Variants in GRID2 observed in about 807,000 individuals in gnomAD.
GRID2 encodes the protein glutamate ionotropic receptor delta type subunit 2.
A neutral mutation model predicts 114.8 loss-of-function variants in GRID2; 33 were observed. The observed-to-expected ratio is 0.29, with a 90% CI of 0.22 to 0.38. GRID2 has a LOEUF of 0.38. Among genes scored for constraint, GRID2 ranks in the 10% least tolerant of loss-of-function variants. The pLI, the probability that GRID2 is intolerant of heterozygous loss-of-function variation, is 1.00. For missense variants in GRID2, 1,184 were observed against 1,257.7 expected (o/e 0.94, Z 0.89); for synonymous variants, 505 against 449.9 (o/e 1.12, Z -1.55).
chr4:92,913,777 G>A (rs976502480), intron 2 of GRID2, among the ~76,000 whole-genome samples: 10 of 151,330 alleles, frequency 6.6e-5, no homozygotes, highest in East Asian at 2.0e-4. Flanking sequence ...ACGAAGAAAC[G>A]TTTCACTAAG....
chr4:93,200,645 G>A (rs1742005360), intron 4 of GRID2, among the ~76,000 whole-genome samples: 1 of 152,140 alleles, frequency 6.6e-6, no homozygotes, highest in African/African-American at 2.4e-5. Flanking sequence ...GTCATCTTTT[G>A]TTTTTGTTTT....
intron 14 of GRID2, among the ~76,000 whole-genome samples, chr4:93,719,473 T>C (rs1354844955): frequency 6.6e-6 from 1 of 152,148 alleles, no homozygotes; most frequent in African/African-American, 2.4e-5. Context: ...AGTGATTTTT[T>C]TTCTTGCCCA....
At chr4:93,074,543 A>G (rs1392334949) in intron 2 of GRID2, among the ~76,000 whole-genome samples, 1 of 152,202 alleles carries the variant, frequency 6.6e-6, no homozygotes, top group Admixed American at 6.5e-5. Context: ...TCTATTTTAG[A>G]AAAGAAGAAT....
At chr4:92,628,933 T>C (rs905778795) in intron 2 of GRID2, among the ~76,000 whole-genome samples, 3 of 152,062 alleles carry the variant, frequency 2.0e-5, no homozygotes, top group Non-Finnish European at 2.9e-5. Context: ...GAATTTTATT[T>C]TGTGCCAGTA....
chr4:92,698,079 A>C (rs573090242), intron 2 of GRID2, among the ~76,000 whole-genome samples: 3 of 152,272 alleles, frequency 2.0e-5, no homozygotes, highest in South Asian at 2.1e-4. Context: ...CAGCTTCCTG[A>C]AGTTGGAGCT....
chr4:92,980,411 A>G (rs1258291370), intron 2 of GRID2, among the ~76,000 whole-genome samples: 2 of 152,208 alleles, frequency 1.3e-5, no homozygotes, highest in Admixed American at 1.3e-4. Context: ...CATATAGATC[A>G]CATTTCACCA....
intron 4 of GRID2, among the ~76,000 whole-genome samples, chr4:93,164,164 A>T (rs368957391): frequency 5.3e-5 from 8 of 152,010 alleles, no homozygotes; most frequent in South Asian, 2.1e-4. Flanking sequence ...GGGGGGGAAA[A>T]AAAAGGTAAT....
chr4:92,694,030 T>G (rs1188430154), intron 2 of GRID2, among the ~76,000 whole-genome samples: 5 of 152,056 alleles, frequency 3.3e-5, no homozygotes, highest in Non-Finnish European at 1.5e-5. Flanking sequence ...TGAGGATTTG[T>G]GTGGGGAGGA....
chr4:93,689,221 T>C (rs1265157509), intron 14 of GRID2, among the ~76,000 whole-genome samples: 2 of 151,976 alleles, frequency 1.3e-5, no homozygotes, highest in Non-Finnish European at 2.9e-5. Context: ...GAAAGTTAAT[T>C]TCTGTGGTTT....
At chr4:93,588,664 G>A (rs550075281) in intron 13 of GRID2, among the ~76,000 whole-genome samples, 1 of 152,166 alleles carries the variant, frequency 6.6e-6, no homozygotes, top group Non-Finnish European at 1.5e-5. Context: ...AAAGGCTGCA[G>A]AGTCACACTC....
chr4:93,569,902 C>A (rs994828187), intron 13 of GRID2, among the ~76,000 whole-genome samples: 1 of 152,162 alleles, frequency 6.6e-6, no homozygotes, highest in Admixed American at 6.6e-5. Context: ...CACTTTCCAT[C>A]ATAAATTACT....
chr4:92,835,939 A>G (rs1742422544), intron 2 of GRID2, among the ~76,000 whole-genome samples: 1 of 152,036 alleles, frequency 6.6e-6, no homozygotes, highest in Non-Finnish European at 1.5e-5. Context: ...GAATACTTCT[A>G]CGGTAGTTTC....
intron 7 of GRID2, among the ~76,000 whole-genome samples, chr4:93,225,359 A>G (rs1235268219): frequency 6.6e-6 from 1 of 152,030 alleles, no homozygotes; most frequent in African/African-American, 2.4e-5. Flanking sequence ...AAGGCAGTTT[A>G]TGTTGTTTAG....
chr4:92,471,926 C>CTTTTTTTTTTTTTTTTTTTTT (rs1186215701), intron 1 of GRID2, among the ~76,000 whole-genome samples: 1 of 57,322 alleles, frequency 1.7e-5, no homozygotes, highest in Non-Finnish European at 3.1e-5. Context: ...ATCCATATTT[C>CTTTTTTTTTTTTTTTTTTTTT]TTTTTTTTTT....
intron 1 of GRID2, among the ~76,000 whole-genome samples, chr4:92,557,152 A>G (rs890064814): frequency 3.9e-5 from 6 of 152,106 alleles, no homozygotes; most frequent in African/African-American, 1.4e-4. Context: ...GAAAATTTTC[A>G]GCAGTAAAAG....
chr4:92,976,399 A>C (rs1237537823), intron 2 of GRID2, among the ~76,000 whole-genome samples: 1 of 152,144 alleles, frequency 6.6e-6, no homozygotes, highest in African/African-American at 2.4e-5. Context: ...ATACAGAGAC[A>C]GATACACATG....
At chr4:93,748,841 A>G (rs542258041) in intron 14 of GRID2, among the ~76,000 whole-genome samples, 4 of 152,272 alleles carry the variant, frequency 2.6e-5, no homozygotes, top group South Asian at 4.1e-4. Flanking sequence ...ATGTTAAGGA[A>G]CAAGCCCAAA....
intron 1 of GRID2, among the ~76,000 whole-genome samples, chr4:92,518,475 A>G (rs2149137540): frequency 6.6e-6 from 1 of 152,034 alleles, no homozygotes. Context: ...GCATCATTCC[A>G]CTTATATGAG....
chr4:92,578,788 A>T (rs1267589164), intron 1 of GRID2, among the ~76,000 whole-genome samples: 1 of 151,742 alleles, frequency 6.6e-6, no homozygotes, highest in Non-Finnish European at 1.5e-5. Flanking sequence ...TCTTGTAATT[A>T]CCATTTTGAC....
Sources: gnomAD v4.1 joint callset for allele counts (sites outside exome capture counted in the v4.1 genomes callset) on GRCh38, gnomAD v4.1.1 for gene constraint, MANE v1.5 for transcripts, NCBI Gene and HGNC (gene_info 2026-07-23, HGNC 2026-07-21) for gene names.